The following ZNF521 variants were observed in gnomAD, a reference collection of about 807,000 sequenced individuals.
ZNF521 encodes LYST-interacting protein 3.
A neutral mutation model predicts 105.5 loss-of-function variants in ZNF521; 14 were observed. The observed-to-expected ratio is 0.13, with a 90% CI of 0.09 to 0.21. ZNF521 has a LOEUF of 0.21. Among genes scored for constraint, ZNF521 ranks in the 10% least tolerant of loss-of-function variants. The pLI is 1.00. For synonymous variants in ZNF521, 635 were observed against 606.0 expected, an observed-to-expected ratio of 1.05 and a Z score of -0.70; for missense variants, 1,233 against 1,629.7, an observed-to-expected ratio of 0.76 and a Z score of 4.19.
rs757981161 is a variant in ZNF521 at position 25,226,231 on chromosome 18, A to C, written c.1687T>G (p.Ser563Ala). 4 of 1,614,076 alleles carry C rather than the reference A, an allele frequency of 2.5e-6. No individual in the cohort carries two copies. Residue 563 changes from serine (S) to alanine (A), a missense_variant, in exon 4 of 8, where the codon TCC (serine) becomes GCC (alanine). Coordinates refer to ENST00000361524, the MANE Select transcript of ZNF521 (RefSeq NM_015461.3). This position sits in a 1 kb window ranked among gnomAD's most constrained non-coding sequence, Gnocchi z 4.1. ...KEPVVEVYSC[S>A]YCTNSPIFNS... ...AATATTGGCGAATTTGTACAATAGG[A>C]ACAAGAATAGACTTCTACTACTGGT...
At chr18:25,177,974 G>T (rs2035562902) in intron 5 of ZNF521, among the ~76,000 whole-genome samples, 1 of 152,068 alleles carries the variant, frequency 6.6e-6, no homozygotes, top group Admixed American at 6.5e-5. Context: ...TATACAAAAT[G>T]TAAAAAAGTA....
At position 25,262,028 on chromosome 18, in the gene ZNF521, A is replaced by C. The variant is rs116058066; in HGVS notation, c.221-34331T>G. Among the ~76,000 whole-genome samples, 1,522 of 152,330 alleles carry C rather than the reference A, an allele frequency of 1.0e-2. 26 individuals are homozygous for C. The highest frequency in any genetic ancestry group is 0.034 in the African/African-American group (1,417 of 41,574). On this transcript the variant is annotated intron_variant, in intron 3 of 7. Coordinates refer to ENST00000361524, the MANE Select transcript of ZNF521 (RefSeq NM_015461.3). ...AGTTAAGTAAACCAACAATTAAGAGACAGTAGCACAATGGACAATAGCTTT... is the reference window on the plus strand; with the variant it reads ...AGTTAAGTAAACCAACAATTAAGAGCCAGTAGCACAATGGACAATAGCTTT...
chr18:25,133,296 TTC>T (rs1354457340), intron 5 of ZNF521, among the ~76,000 whole-genome samples: 1 of 152,200 alleles, frequency 6.6e-6, no homozygotes, highest in Admixed American at 6.6e-5. Flanking sequence ...CCCTCACTAC[TTC>T]TGTTTGCTCC....
chr18:25,118,178 AT>A (rs1567969401), intron 5 of ZNF521, among the ~76,000 whole-genome samples: 1 of 152,034 alleles, frequency 6.6e-6, no homozygotes. Context: ...TCAACCTATA[AT>A]TTTATATCCA....
At chr18:25,312,486 C>T (rs1372699230) in intron 3 of ZNF521, among the ~76,000 whole-genome samples, 1 of 152,064 alleles carries the variant, frequency 6.6e-6, no homozygotes, top group African/African-American at 2.4e-5. Flanking sequence ...CCTCCAAAAC[C>T]GGAAAAGGAA....
At chr18:25,275,755 G>C (rs1909989630) in intron 3 of ZNF521, among the ~76,000 whole-genome samples, 1 of 152,202 alleles carries the variant, frequency 6.6e-6, no homozygotes, top group South Asian at 2.1e-4. Flanking sequence ...CACAGGGCTA[G>C]ACTGACCAGG....
intron 3 of ZNF521, among the ~76,000 whole-genome samples, chr18:25,309,100 G>A (rs1040805640): frequency 2.0e-4 from 30 of 152,278 alleles, no homozygotes; most frequent in Non-Finnish European, 4.4e-4. Context: ...CTAATGAATT[G>A]CAAAGGGCAG....
chr18:25,334,259 G>C (rs1913751188), intron 2 of ZNF521, among the ~76,000 whole-genome samples: 1 of 152,158 alleles, frequency 6.6e-6, no homozygotes, highest in African/African-American at 2.4e-5. Flanking sequence ...GAAAAGGAGA[G>C]GGAACTCAGA....
In ZNF521 at chr18:25,282,425, C is replaced by T. The variant is rs559941490; in HGVS notation, c.220+39583G>A. On this transcript the variant is annotated intron_variant, in intron 3 of 7. Transcript: ENST00000361524. Reference sequence around the variant, plus strand: ...CAAAGTGCAGGCTAGTCCTTCACACCCAAGCCTTAGGGGAGGCAGCACCCG... The same window carrying T: ...CAAAGTGCAGGCTAGTCCTTCACACTCAAGCCTTAGGGGAGGCAGCACCCG... Among the ~76,000 whole-genome samples, 27 of 152,204 alleles carry T rather than the reference C, an allele frequency of 1.8e-4. No individual in the cohort carries two copies. In the East Asian group the frequency reaches 4.3e-3, roughly 24 times the overall value.
At chr18:25,247,193 G>A (rs1907783756) in intron 3 of ZNF521, among the ~76,000 whole-genome samples, 1 of 152,098 alleles carries the variant, frequency 6.6e-6, no homozygotes, top group Admixed American at 6.6e-5. Flanking sequence ...GAATGGGAGA[G>A]GCACACATGT....
intron 6 of ZNF521, 62 bp from the exon 7 acceptor site, chr18:25,089,642 G>T: frequency 7.4e-7 from 1 of 1,348,190 alleles, no homozygotes; most frequent in South Asian, 1.2e-5. Context: ...CTCAGTCGAT[G>T]ACTCTGCATG....
intron 3 of ZNF521, among the ~76,000 whole-genome samples, chr18:25,318,242 A>C (rs1203311688): frequency 2.6e-5 from 4 of 152,192 alleles, no homozygotes; most frequent in Non-Finnish European, 5.9e-5. Flanking sequence ...GTACAATTTC[A>C]TTTACAAGAA....
intron 3 of ZNF521, among the ~76,000 whole-genome samples, chr18:25,293,641 A>G (rs1385927789): frequency 6.6e-6 from 1 of 152,220 alleles, no homozygotes; most frequent in African/African-American, 2.4e-5. Flanking sequence ...CTACTGTGGA[A>G]TCGTTGGCTG....
chr18:25,170,210 T>C (rs557296281), intron 5 of ZNF521, among the ~76,000 whole-genome samples: 6 of 152,184 alleles, frequency 3.9e-5, no homozygotes, highest in African/African-American at 1.4e-4. Context: ...ACCAACCTTC[T>C]GGTTCCTATC....
Position 25,140,389 on chromosome 18 carries a change from T to A in ZNF521, c.3659-48308A>T, listed in dbSNP as rs545352642. ...TCAGAGAAAACGTGAACTTTTTGAT[T>A]GGGGATGACATTTATTTTAAGTGTG... On this transcript the variant is annotated intron_variant, in intron 5 of 7. Coordinates refer to ENST00000361524, the MANE Select transcript of ZNF521 (RefSeq NM_015461.3). Among the ~76,000 whole-genome samples, 5 of 152,266 alleles carry A rather than the reference T, an allele frequency of 3.3e-5. No individual in the cohort carries two copies. The South Asian group carries it at 1.0e-3, about 32-fold the overall frequency.
At chr18:25,265,185 T>C (rs1182017381) in intron 3 of ZNF521, among the ~76,000 whole-genome samples, 2 of 152,168 alleles carry the variant, frequency 1.3e-5, no homozygotes, top group Non-Finnish European at 2.9e-5. Context: ...TTCTGAACAC[T>C]CACAAGTTGC....
chr18:25,168,213 T>C (rs1234670588), intron 5 of ZNF521, among the ~76,000 whole-genome samples: 1 of 152,096 alleles, frequency 6.6e-6, no homozygotes, highest in Non-Finnish European at 1.5e-5. Context: ...TATGGTAAAG[T>C]CAAGCTGCTT....
intron 3 of ZNF521, among the ~76,000 whole-genome samples, chr18:25,266,700 G>C (rs561307085): frequency 6.6e-6 from 1 of 152,228 alleles, no homozygotes; most frequent in Non-Finnish European, 1.5e-5. Flanking sequence ...TGTACCACGA[G>C]GAATGGTGCA....
intron 5 of ZNF521, among the ~76,000 whole-genome samples, chr18:25,184,164 G>A (rs2035680206): frequency 6.6e-6 from 1 of 151,712 alleles, no homozygotes; most frequent in African/African-American, 2.4e-5. Flanking sequence ...GACTTCATTT[G>A]CACCTACTCA....
Sources: gnomAD v4.1 joint callset for allele counts (sites outside exome capture counted in the v4.1 genomes callset) on GRCh38, gnomAD v4.1.1 for gene constraint, Gnocchi (gnomAD v3.1) non-coding constraint, MANE v1.5 for transcripts, NCBI Gene and HGNC (gene_info 2026-07-23, HGNC 2026-07-21) for gene names.